SLC49A4: variants seen among roughly 807,000 people sequenced by gnomAD.
SLC49A4 encodes the protein solute carrier family 49 member 4, also known as disrupted in renal cancer protein 2.
In SLC49A4, 36 loss-of-function variants were observed where a neutral mutation model predicts 50.6. The observed-to-expected ratio is 0.71, with a 90% confidence interval of 0.55 to 0.94. The LOEUF (loss-of-function observed/expected upper bound fraction) is 0.94. Among genes scored for constraint, SLC49A4 ranks in the 40% least tolerant of loss-of-function variants. The pLI is 0.00. For missense variants in SLC49A4, 503 were observed against 605.7 expected, an observed-to-expected ratio of 0.83 and a Z score of 1.78; for synonymous variants, 248 against 241.2, an observed-to-expected ratio of 1.03 and a Z score of -0.26.
chr3:122,873,707 A>C (rs905775846), intron 8 of SLC49A4, among the ~76,000 whole-genome samples: 12 of 152,250 alleles, frequency 7.9e-5, no homozygotes, highest in African/African-American at 2.7e-4. Context: ...ATATTAATGA[A>C]GTCAGAAGGC....
At chr3:122,834,733 T>C (rs1936654605) in intron 4 of SLC49A4, among the ~76,000 whole-genome samples, 3 of 151,106 alleles carry the variant, frequency 2.0e-5, no homozygotes. Flanking sequence ...TAAATAAAAT[T>C]GAAACAAAAA....
chr3:122,813,411 A>G (rs986307919), intron 2 of SLC49A4, among the ~76,000 whole-genome samples: 1 of 152,108 alleles, frequency 6.6e-6, no homozygotes, highest in Admixed American at 6.6e-5. Flanking sequence ...TACATCATAC[A>G]GAGAAGTATA....
At chr3:122,807,049 A>T (rs944901438) in intron 2 of SLC49A4, 99 bp downstream of exon 2, 115 of 572,888 alleles carry the variant, frequency 2.0e-4, no homozygotes, top group Middle Eastern at 3.0e-4. Flanking sequence ...AGAAGCGTTT[A>T]TTTTTTTACT....
intron 2 of SLC49A4, among the ~76,000 whole-genome samples, chr3:122,814,327 A>T (rs1936336595): frequency 6.6e-6 from 1 of 152,206 alleles, no homozygotes; most frequent in East Asian, 1.9e-4. Context: ...TTTTCAGGTT[A>T]GAGTTAGGCT....
chr3:122,833,334 T>C lies in SLC49A4; in HGVS notation c.721T>C (p.Leu241=). Residue 241 remains leucine, a synonymous_variant, in exon 4 of 9, where the codon TTA becomes CTA. Transcript: ENST00000261038. ...TCTTTCAGAATTTGGAGTTGTCTGC[T>C]TAATATTTTCTGCAACACTAGCTTA... ...VLYAEFGVVC[L]IFSATLAYFP... 6.2e-7 allele frequency: 1 copy of C among 1,613,410 alleles called. No homozygotes were observed. Among genetic ancestry groups the C allele is most frequent in the Non-Finnish European group, 8.5e-7 (1 of 1,179,578 alleles).
chr3:122,797,682 G>T (rs1219559325), intron 1 of SLC49A4, among the ~76,000 whole-genome samples: 1 of 152,156 alleles, frequency 6.6e-6, no homozygotes, highest in Non-Finnish European at 1.5e-5. Flanking sequence ...ACTAAATATT[G>T]ATTTTCTCTG....
chr3:122,805,144 C>T (rs1004624341), intron 1 of SLC49A4, among the ~76,000 whole-genome samples: 41 of 151,960 alleles, frequency 2.7e-4, no homozygotes, highest in Non-Finnish European at 8.8e-5. Flanking sequence ...CATGTATGTA[C>T]GTTTCATTAA....
chr3:122,826,736 T>G, intron 2 of SLC49A4, 64 bp from the exon 3 acceptor site: 1 of 1,554,874 alleles, frequency 6.4e-7, no homozygotes, highest in Non-Finnish European at 8.8e-7. Flanking sequence ...TTTGGCTCAT[T>G]TCTTTTTGTC....
chr3:122,825,635 T>A (rs961328555), intron 2 of SLC49A4, among the ~76,000 whole-genome samples: 2 of 144,258 alleles, frequency 1.4e-5, no homozygotes, highest in East Asian at 2.0e-4. Flanking sequence ...GATGGCAGTT[T>A]AAAAAAAAAA....
intron 3 of SLC49A4, among the ~76,000 whole-genome samples, chr3:122,829,016 G>A (rs1275072875): frequency 6.6e-6 from 1 of 152,164 alleles, no homozygotes; most frequent in African/African-American, 2.4e-5. Flanking sequence ...TTGCCAATCT[G>A]CCTTTCTGAA....
intron 2 of SLC49A4, among the ~76,000 whole-genome samples, chr3:122,807,661 G>A (rs1357076669): frequency 2.0e-5 from 3 of 152,220 alleles, no homozygotes; most frequent in East Asian, 1.9e-4. Flanking sequence ...TAGTGTTTCC[G>A]AGACTGGGGT....
intron 8 of SLC49A4, among the ~76,000 whole-genome samples, chr3:122,874,856 G>C (rs1937244996): frequency 1.3e-5 from 2 of 152,200 alleles, no homozygotes; most frequent in South Asian, 2.1e-4. Flanking sequence ...GGCACAGCTG[G>C]CACCCACCAG....
At chr3:122,818,429 AT>A (rs770947252) in intron 2 of SLC49A4, among the ~76,000 whole-genome samples, 1 of 152,164 alleles carries the variant, frequency 6.6e-6, no homozygotes, top group Non-Finnish European at 1.5e-5. Flanking sequence ...TATTCCATTT[AT>A]AGATGATTTT....
chr3:122,827,090 T>C, intron 3 of SLC49A4, 25 bp downstream of exon 3: 1 of 1,588,828 alleles, frequency 6.3e-7, no homozygotes, highest in East Asian at 2.3e-5. Flanking sequence ...ATTTTCTTCT[T>C]GTTATACTTT....
chr3:122,874,779 A>C (rs1198436477), intron 8 of SLC49A4, among the ~76,000 whole-genome samples: 1 of 152,206 alleles, frequency 6.6e-6, no homozygotes, highest in African/African-American at 2.4e-5. Flanking sequence ...TCCAGGAAAA[A>C]GGTCTCATTA....
At chr3:122,870,835 AATAATAATTAATT>A (rs762087154) in intron 7 of SLC49A4, among the ~76,000 whole-genome samples, 5 of 131,752 alleles carry the variant, frequency 3.8e-5, no homozygotes, top group Non-Finnish European at 6.4e-5. Context: ...TAATAATAAT[AATAATAATTAATT>A]AATAATTCTA....
chr3:122,850,511 A>ATT (rs34348304), intron 5 of SLC49A4, among the ~76,000 whole-genome samples: 1,621 of 145,960 alleles, frequency 0.011, 37 homozygotes, highest in African/African-American at 0.038. Flanking sequence ...TTTTGAGTTG[A>ATT]TTTTTTTTTT....
Position 122,795,174 on chromosome 3 carries a change from T to TCGCGGGCGACGCGTCGC in SLC49A4, c.-17_-1dup. The stretch of plus-strand genomic sequence containing the variant: ...ACCCGGACTGCGCCCGGCAGTGGCT[T>TCGCGGGCGACGCGTCGC]CGCGGGCGACGCGTCGCCATGGGCT... On this transcript the variant is annotated 5_prime_UTR_variant, in exon 1 of 9. Coordinates refer to ENST00000261038, the MANE Select transcript of SLC49A4 (RefSeq NM_032839.3). The TCGCGGGCGACGCGTCGC allele has an allele frequency of 7.6e-7, 1 of 1,314,170 alleles. No homozygotes were observed. Among genetic ancestry groups the TCGCGGGCGACGCGTCGC allele is most frequent in the East Asian group, 3.2e-5 (1 of 31,744 alleles). The allele number at this position is 1,314,170 out of a possible 1,614,324, so 81.4% of individuals were successfully genotyped here.
intron 1 of SLC49A4, among the ~76,000 whole-genome samples, chr3:122,805,507 A>C (rs905882708): frequency 1.3e-5 from 2 of 151,994 alleles, no homozygotes; most frequent in South Asian, 4.1e-4. Flanking sequence ...AAGAGAGGAG[A>C]GAGCCCTGGA....
Sources: gnomAD v4.1 joint callset for allele counts (sites outside exome capture counted in the v4.1 genomes callset) on GRCh38, gnomAD v4.1.1 for gene constraint, MANE v1.5 for transcripts, NCBI Gene and HGNC (gene_info 2026-07-23, HGNC 2026-07-21) for gene names.